SLC9B1: variants seen among roughly 807,000 people sequenced by gnomAD.
SLC9B1 encodes sodium/hydrogen exchanger 9B1.
In SLC9B1, 32 loss-of-function variants were observed where a neutral mutation model predicts 51.7. The observed-to-expected ratio is 0.62, with a 90% CI of 0.47 to 0.83. The LOEUF (loss-of-function observed/expected upper bound fraction) is 0.83, where lower values mean the gene tolerates loss of function less well. Ranked by LOEUF, SLC9B1 falls within the 40% of genes least tolerant of loss-of-function variation. The pLI is 0.00. For missense variants in SLC9B1, 406 were observed against 613.2 expected, an observed-to-expected ratio of 0.66 and a Z score of 3.57; for synonymous variants, 145 against 212.7, an observed-to-expected ratio of 0.68 and a Z score of 2.77.
intron 6 of SLC9B1, among the ~76,000 whole-genome samples, chr4:102,934,858 A>G (rs1257386761): frequency 6.6e-6 from 1 of 152,172 alleles, no homozygotes; most frequent in African/African-American, 2.4e-5. Context: ...TTAGACATAA[A>G]AAGAGATTTT....
intron 3 of SLC9B1, among the ~76,000 whole-genome samples, chr4:102,988,601 T>G (rs1392689059): frequency 6.6e-6 from 1 of 152,054 alleles, no homozygotes; most frequent in Non-Finnish European, 1.5e-5. Context: ...TTCTATACTT[T>G]GTGTATAAAG....
At position 102,935,294 on chromosome 4, in the gene SLC9B1, A is replaced by AT. The variant is rs574805975; in HGVS notation, c.654-2996dup. On this transcript the variant is annotated intron_variant, in intron 6 of 11. Coordinates refer to ENST00000296422, the MANE Select transcript of SLC9B1 (RefSeq NM_139173.4). ...CAAATTAAAACAACAAAAATATGCC[A>AT]TTTTTTCAATTATCAGATGTGAAAA... is the stretch of plus-strand genomic sequence containing the variant. Among the ~76,000 whole-genome samples, 126 of 152,282 alleles carry AT rather than the reference A, an allele frequency of 8.3e-4. 2 individuals carry two copies. The highest frequency in any genetic ancestry group is 3.0e-3 in the African/African-American group (123 of 41,568).
chr4:102,893,903 AAAAC>A (rs1443848736), intron 11 of SLC9B1, among the ~76,000 whole-genome samples: 1 of 152,220 alleles, frequency 6.6e-6, no homozygotes, highest in African/African-American at 2.4e-5. Context: ...TCAAAACAAA[AAAAC>A]AAACAAAAAA....
chr4:102,928,641 T>C (rs896815346), intron 7 of SLC9B1, among the ~76,000 whole-genome samples: 10 of 152,166 alleles, frequency 6.6e-5, no homozygotes, highest in African/African-American at 2.4e-4. Flanking sequence ...TCTAGAGGGA[T>C]AGAACTAATA....
chr4:103,013,599 C>T (rs1014016879), intron 1 of SLC9B1, among the ~76,000 whole-genome samples: 5 of 152,148 alleles, frequency 3.3e-5, no homozygotes, highest in Non-Finnish European at 7.4e-5. Flanking sequence ...TTTAGTATAT[C>T]TAATTACTTA....
At chr4:102,915,646 G>A (rs1735542286) in intron 7 of SLC9B1, among the ~76,000 whole-genome samples, 1 of 152,172 alleles carries the variant, frequency 6.6e-6, no homozygotes, top group South Asian at 2.1e-4. Flanking sequence ...GCCTCTCAAA[G>A]TGCTGGGACT....
At chr4:102,981,674 A>G (rs1297198432) in intron 3 of SLC9B1, among the ~76,000 whole-genome samples, 2 of 152,048 alleles carry the variant, frequency 1.3e-5, no homozygotes, top group East Asian at 3.9e-4. Flanking sequence ...TTCCTGTTGC[A>G]GTGTTGTGTT....
chr4:102,905,409 GTAAGGATAATAGCTCA>G, intron 11 of SLC9B1, 89 bp downstream of exon 11: 2 of 1,144,184 alleles, frequency 1.7e-6, no homozygotes, highest in Admixed American at 4.3e-5. Flanking sequence ...CATTTAAAAA[GTAAGGATAATAGCTCA>G]TATTTTGTGA....
At chr4:102,901,898 C>A (rs942360456) in intron 11 of SLC9B1, among the ~76,000 whole-genome samples, 10 of 152,152 alleles carry the variant, frequency 6.6e-5, no homozygotes, top group African/African-American at 2.4e-4. Flanking sequence ...ACTCTCTAAC[C>A]TTCTACTTAC....
chr4:102,903,459 C>T (rs564097870), intron 11 of SLC9B1, among the ~76,000 whole-genome samples: 1 of 152,294 alleles, frequency 6.6e-6, no homozygotes, highest in East Asian at 1.9e-4. Flanking sequence ...CAGATACAGT[C>T]ATAGACTTCA....
chr4:102,975,219 G>A (rs111805457), intron 3 of SLC9B1, among the ~76,000 whole-genome samples: 98 of 146,724 alleles, frequency 6.7e-4, no homozygotes, highest in South Asian at 1.1e-3. Context: ...ATGTTGCCCA[G>A]GCTAGCCTCA....
chr4:102,969,249 T>A (rs1410033978), intron 3 of SLC9B1, among the ~76,000 whole-genome samples: 2 of 152,088 alleles, frequency 1.3e-5, no homozygotes, highest in Non-Finnish European at 2.9e-5. Flanking sequence ...GACTGACACC[T>A]CATATAGCCG....
At chr4:102,909,833 A>G (rs188090901) in intron 9 of SLC9B1, among the ~76,000 whole-genome samples, 1 of 117,638 alleles carries the variant, frequency 8.5e-6, no homozygotes, top group Admixed American at 8.5e-5. Context: ...TTATTTATTT[A>G]TTTTTTTGTG....
intron 5 of SLC9B1, among the ~76,000 whole-genome samples, chr4:102,945,663 G>A (rs1306646744): frequency 6.6e-6 from 1 of 151,980 alleles, no homozygotes; most frequent in Non-Finnish European, 1.5e-5. Flanking sequence ...TTTTTGATAT[G>A]AACTGTTTGA....
At chr4:102,959,664 G>A (rs535452190) in intron 3 of SLC9B1, among the ~76,000 whole-genome samples, 38 of 152,262 alleles carry the variant, frequency 2.5e-4, no homozygotes, top group African/African-American at 7.0e-4. Context: ...TCTAGTGAGC[G>A]GATCGCTGAC....
chr4:102,896,685 A>C (rs1385285132), downstream of SLC9B1: 1 of 152,140 alleles, frequency 6.6e-6, no homozygotes, highest in Non-Finnish European at 1.5e-5. Flanking sequence ...TTTAGTCTTG[A>C]AGGTGGGGTT....
intron 7 of SLC9B1, among the ~76,000 whole-genome samples, chr4:102,916,554 A>T (rs1003628406): frequency 6.6e-6 from 1 of 152,220 alleles, no homozygotes; most frequent in Non-Finnish European, 1.5e-5. Context: ...TGGAAAACAG[A>T]GAACTTGAAC....
intron 7 of SLC9B1, among the ~76,000 whole-genome samples, chr4:102,918,106 A>AC (rs1462439237): frequency 1.3e-5 from 2 of 150,444 alleles, no homozygotes; most frequent in African/African-American, 4.9e-5. Flanking sequence ...GAAAAAAAAA[A>AC]CCCAATGAAA....
At chr4:103,000,123 C>T (rs535670792) in intron 1 of SLC9B1, among the ~76,000 whole-genome samples, 1 of 152,290 alleles carries the variant, frequency 6.6e-6, no homozygotes, top group South Asian at 2.1e-4. Flanking sequence ...CCTCCCTTGA[C>T]ACATGGAAAT....
Sources: gnomAD v4.1 joint callset for allele counts (sites outside exome capture counted in the v4.1 genomes callset) on GRCh38, gnomAD v4.1.1 for gene constraint, MANE v1.5 for transcripts, NCBI Gene and HGNC (gene_info 2026-07-23, HGNC 2026-07-21) for gene names.